EDA: variants seen among roughly 807,000 people sequenced by gnomAD.
The protein encoded by EDA is ectodysplasin A.
Under a neutral mutation model 23.6 loss-of-function variants are expected in EDA, and 2 were observed. The ratio of observed to expected loss-of-function variants is 0.08; its 90% CI spans 0.03 to 0.27. The LOEUF is 0.27. Ranked by LOEUF, EDA falls within the 10% of genes least tolerant of loss-of-function variation. The pLI is 1.00. For missense variants in EDA, 229 were observed against 324.2 expected, an observed-to-expected ratio of 0.71 and a Z score of 2.26; for synonymous variants, 131 against 132.0, an observed-to-expected ratio of 0.99 and a Z score of 0.05.
intron 1 of EDA, among the ~76,000 whole-genome samples, chrX:69,731,872 T>A (rs745703326): frequency 5.3e-4 from 60 of 112,240 alleles, no homozygotes; most frequent in African/African-American, 1.8e-3. Context: ...CTTTCGCCAT[T>A]AAATATCATG....
intron 2 of EDA, among the ~76,000 whole-genome samples, chrX:69,994,559 C>T (rs970792655): frequency 1.8e-5 from 2 of 112,170 alleles, no homozygotes; most frequent in African/African-American, 6.5e-5. Flanking sequence ...GAAATCTGTA[C>T]TTTTAAAATT....
At position 69,899,535 on chromosome X, in the gene EDA, T is replaced by TGA. The variant is rs2018067702; in HGVS notation, c.397-57491_397-57490insAG. Among the ~76,000 whole-genome samples, 6 of 110,648 alleles carry TGA rather than the reference T, an allele frequency of 5.4e-5. No individual in the cohort carries two copies. The South Asian group carries it at 2.3e-3, about 43-fold the overall frequency. On this transcript the variant is annotated intron_variant, in intron 1 of 7. Transcript: ENST00000374552. ...TTGCAATTATTAACAGTTGTGTGTG[T>TGA]GTGTGTGTTTGTGTGCGTGTGTCAC... is the stretch of plus-strand genomic sequence containing the variant.
At chrX:69,740,555 T>C (rs1399085547) in intron 1 of EDA, among the ~76,000 whole-genome samples, 1 of 111,464 alleles carries the variant, frequency 9.0e-6, no homozygotes, top group East Asian at 2.8e-4. Context: ...GAGTTGTTTT[T>C]CTCTAGTTAC....
chrX:69,749,533 G>A (rs778634758), intron 1 of EDA, among the ~76,000 whole-genome samples: 8 of 110,674 alleles, frequency 7.2e-5, no homozygotes, highest in Non-Finnish European at 1.5e-4. Flanking sequence ...CACAATGGTT[G>A]AACTAGTTTA....
chrX:70,004,514 T>G (rs1272699315), intron 2 of EDA, among the ~76,000 whole-genome samples: 4 of 112,426 alleles, frequency 3.6e-5, no homozygotes, highest in East Asian at 2.8e-4. Flanking sequence ...AGCTAATGGC[T>G]TCTATCTTCT....
At chrX:69,757,975 T>C (rs1040387629) in intron 1 of EDA, among the ~76,000 whole-genome samples, 8 of 112,485 alleles carry the variant, frequency 7.1e-5, no homozygotes, top group African/African-American at 2.6e-4. Context: ...CAATATGAAC[T>C]TAACAGCATC....
At chrX:69,676,021 T>C (rs1447935463) in intron 1 of EDA, among the ~76,000 whole-genome samples, 1 of 110,370 alleles carries the variant, frequency 9.1e-6, no homozygotes, top group African/African-American at 3.3e-5. Context: ...AGAACATGAG[T>C]GTTCCAGAAA....
At chrX:69,684,544 G>T (rs960584366) in intron 1 of EDA, among the ~76,000 whole-genome samples, 2 of 111,816 alleles carry the variant, frequency 1.8e-5, no homozygotes, top group African/African-American at 6.5e-5. Context: ...TGTGTATAAA[G>T]TAATAAACCC....
At chrX:69,979,080 C>T (rs2019364789) in intron 2 of EDA, among the ~76,000 whole-genome samples, 1 of 111,518 alleles carries the variant, frequency 9.0e-6, no homozygotes, top group South Asian at 3.7e-4. Context: ...TCCCTGCAGC[C>T]CCTGGTCACC....
At chrX:69,998,721 G>T (rs1266416845) in intron 2 of EDA, among the ~76,000 whole-genome samples, 3 of 111,402 alleles carry the variant, frequency 2.7e-5, no homozygotes, top group African/African-American at 9.8e-5. Context: ...AATCATGGGG[G>T]CAGTTTCCCC....
intron 1 of EDA, among the ~76,000 whole-genome samples, chrX:69,761,725 C>G (rs895559149): frequency 1.9e-4 from 21 of 111,748 alleles, no homozygotes; most frequent in Non-Finnish European, 1.9e-4. Flanking sequence ...ACTAAATGTC[C>G]CCAGACTACT....
chrX:69,848,195 G>A, intron 1 of EDA, among the ~76,000 whole-genome samples: 1 of 111,913 alleles, frequency 8.9e-6, no homozygotes, highest in East Asian at 2.8e-4. Flanking sequence ...ACATCAAAAA[G>A]TTAATAAATG....
At chrX:69,848,855 G>A (rs2147572915) in intron 1 of EDA, among the ~76,000 whole-genome samples, 1 of 110,825 alleles carries the variant, frequency 9.0e-6, no homozygotes, top group East Asian at 2.8e-4. Flanking sequence ...TCCTATCTTT[G>A]TGAAGCCGTC....
chrX:69,895,102 G>C (rs753243334), intron 1 of EDA, among the ~76,000 whole-genome samples: 1 of 110,994 alleles, frequency 9.0e-6, no homozygotes, highest in African/African-American at 3.3e-5. Flanking sequence ...CACATTTGCG[G>C]GGTGGGATTA....
At chrX:69,771,833 A>G (rs2014647802) in intron 1 of EDA, among the ~76,000 whole-genome samples, 1 of 112,680 alleles carries the variant, frequency 8.9e-6, no homozygotes, top group Non-Finnish European at 1.9e-5. Context: ...ATGATTGGCT[A>G]TTAGCTGTGA....
chrX:69,630,975 C>T (rs1356849176), intron 1 of EDA, among the ~76,000 whole-genome samples: 2 of 111,583 alleles, frequency 1.8e-5, no homozygotes, highest in Non-Finnish European at 3.8e-5. Context: ...TTAGGTAGGT[C>T]ATTTCATCTT....
At chrX:69,682,107 G>A (rs1188172317) in intron 1 of EDA, among the ~76,000 whole-genome samples, 5 of 111,942 alleles carry the variant, frequency 4.5e-5, no homozygotes, top group African/African-American at 1.6e-4. Flanking sequence ...TGCCCCTGCT[G>A]GGGGTGCCTC....
At position 69,619,995 on chromosome X, in the gene EDA, CA is replaced by C. The variant is rs1222708390; in HGVS notation, c.396+3296del. Reference sequence around the variant, plus strand: ...AAGCCTAACAGCTGATAAAAGTCCTCAAAAACCCCATTAAATTGATCAAAAG... The same window carrying C: ...AAGCCTAACAGCTGATAAAAGTCCTCAAAACCCCATTAAATTGATCAAAAG... On this transcript the variant is annotated intron_variant, in intron 1 of 7. Coordinates refer to ENST00000374552, the MANE Select transcript of EDA (RefSeq NM_001399.5). Among the ~76,000 whole-genome samples the C allele has an allele frequency of 3.6e-5, 4 of 111,785 alleles. No homozygotes were observed. The East Asian group carries it at 1.1e-3, about 31-fold the overall frequency.
chrX:69,715,064 ATT>A (rs60745776), intron 1 of EDA, among the ~76,000 whole-genome samples: 17,390 of 80,025 alleles, frequency 0.22, 1,320 homozygotes, highest in African/African-American at 0.26. Flanking sequence ...CTTTCAACCC[ATT>A]TTTTTTTTTT....
Sources: gnomAD v4.1 joint callset for allele counts (sites outside exome capture counted in the v4.1 genomes callset) on GRCh38, gnomAD v4.1.1 for gene constraint, MANE v1.5 for transcripts, NCBI Gene and HGNC (gene_info 2026-07-23, HGNC 2026-07-21) for gene names.